SPRING1: variants seen among roughly 807,000 people sequenced by gnomAD.
SPRING1 encodes SREBP regulating gene protein.
A neutral mutation model predicts 24.7 loss-of-function variants in SPRING1; 14 were observed. The ratio of observed to expected loss-of-function variants is 0.57; its 90% CI spans 0.37 to 0.88. The LOEUF (loss-of-function observed/expected upper bound fraction) is 0.88, where lower values mean the gene tolerates loss of function less well. Ranked by LOEUF, SPRING1 falls within the 40% of genes least tolerant of loss-of-function variation. The pLI is 0.00. For missense variants in SPRING1, 255 were observed against 268.4 expected, an observed-to-expected ratio of 0.95 and a Z score of 0.35; for synonymous variants, 93 against 106.1, an observed-to-expected ratio of 0.88 and a Z score of 0.76.
chr12:116,723,608 A>G (rs996453133), intron 1 of SPRING1, among the ~76,000 whole-genome samples: 1 of 152,238 alleles, frequency 6.6e-6, no homozygotes, highest in African/African-American at 2.4e-5. Flanking sequence ...ACAGAACTTA[A>G]AATGTGAATA....
chr12:116,731,324 A>C (rs1870966081), intron 1 of SPRING1, among the ~76,000 whole-genome samples: 1 of 152,222 alleles, frequency 6.6e-6, no homozygotes. Flanking sequence ...CAACAAGGTG[A>C]AAAAAGCAAA....
Position 116,725,637 on chromosome 12 carries a change from A to G in SPRING1, c.112-2414T>C, listed in dbSNP as rs544362948. ...GCCATGGCTCACACCTGTAATCCCA[A>G]CACTTTGGGAGGCCAAGGCGGGCGG... On this transcript the variant is annotated intron_variant, in intron 1 of 4. Coordinates refer to ENST00000261318, the MANE Select transcript of SPRING1 (RefSeq NM_024738.4). Among the ~76,000 whole-genome samples the G allele has an allele frequency of 6.6e-5, 10 of 152,288 alleles. No homozygotes were observed. In the South Asian group the frequency reaches 2.1e-3, roughly 32 times the overall value.
rs139046870 is a variant in SPRING1, at chr12:116,732,116, T to C, written c.111+5674A>G. Among the ~76,000 whole-genome samples the C allele has an allele frequency of 9.6e-3, 1,461 of 152,192 alleles. 12 individuals are homozygous for C. The highest frequency in any genetic ancestry group is 0.017 in the Middle Eastern group (5 of 294). ...AAGGACATAATGAGTCACTGAGTGG[T>C]CCAGTGGAGGGCAGATCCCAAGATC... On this transcript the variant is annotated intron_variant, in intron 1 of 4. Coordinates refer to ENST00000261318, the MANE Select transcript of SPRING1 (RefSeq NM_024738.4).
intron 1 of SPRING1, among the ~76,000 whole-genome samples, chr12:116,732,683 G>A (rs1871035990): frequency 6.6e-6 from 1 of 152,158 alleles, no homozygotes; most frequent in African/African-American, 2.4e-5. Flanking sequence ...CTCCAGCCTG[G>A]GTGACAGAGT....
chr12:116,737,946 AGGCCCGGGTCCCGGGCGGCAT>A lies in SPRING1; in HGVS notation c.-67_-47del. 1.5e-6 allele frequency: 2 copies of A among 1,358,564 alleles called. No individual in the cohort carries two copies. Among genetic ancestry groups the A allele is most frequent in the Non-Finnish European group, 1.9e-6 (2 of 1,054,064 alleles). 84.2% of individuals were successfully genotyped at this position (1,358,564 alleles called of 1,614,324 possible). ...CGGCGGCCGGGGCGCGGAACGCGGC[AGGCCCGGGTCCCGGGCGGCAT>A]GGCCCCTACGCGCCCGGCAGCCCCA... On this transcript the variant is annotated 5_prime_UTR_variant, in exon 1 of 5. The change abolishes an upstream ATG in the 5' untranslated region. Coordinates refer to ENST00000261318, the MANE Select transcript of SPRING1 (RefSeq NM_024738.4).
At chr12:116,735,119 G>C (rs1166557493) in intron 1 of SPRING1, among the ~76,000 whole-genome samples, 1 of 152,152 alleles carries the variant, frequency 6.6e-6, no homozygotes, top group Non-Finnish European at 1.5e-5. Flanking sequence ...TGGATATAGG[G>C]AGTGAGAGGA....
intron 3 of SPRING1, 34 bp from the exon 4 acceptor site, chr12:116,719,910 T>G (rs1043673227): frequency 6.4e-7 from 1 of 1,566,908 alleles, no homozygotes; most frequent in South Asian, 1.1e-5. Context: ...TGTAATAAAT[T>G]ACCTAAGCCA....
rs1179199944 is a variant in SPRING1 at position 116,717,566 on chromosome 12, T to G, written c.*244A>C. On this transcript the variant is annotated 3_prime_UTR_variant, in exon 5 of 5. Coordinates refer to ENST00000261318, the MANE Select transcript of SPRING1 (RefSeq NM_024738.4). This position sits in a 1 kb window ranked among gnomAD's most constrained non-coding sequence, Gnocchi z 4.2. ...CACCACCGTGAGCCCGGCCTCCGGT[T>G]TCATCTTTCCCGAATGGGACTGGCT... 7.7e-6 allele frequency: 3 copies of G among 389,118 alleles called. No homozygotes were observed. The highest frequency in any genetic ancestry group is 1.4e-5 in the Non-Finnish European group (3 of 215,334). 24.1% of individuals were successfully genotyped at this position (389,118 alleles called of 1,614,324 possible).
In SPRING1 at chr12:116,720,923, G is replaced by A. The variant is rs1423631335; in HGVS notation, c.269-476C>T. On this transcript the variant is annotated intron_variant, in intron 2 of 4. Transcript: ENST00000261318. The surrounding 1 kb of genome is among the most constrained non-coding windows in gnomAD (Gnocchi z 4.0). ...CTTTACAAATATCTTTCAGATGCTCGCTGCATACTGACTAATTTGGAGATT... is the reference window on the plus strand; with the variant it reads ...CTTTACAAATATCTTTCAGATGCTCACTGCATACTGACTAATTTGGAGATT... 6.6e-6 allele frequency among the ~76,000 whole-genome samples: 1 copy of A among 152,114 alleles called. No homozygotes were observed. The highest frequency in any genetic ancestry group is 2.4e-5 in the African/African-American group (1 of 41,422).
chr12:116,717,327 C>A lies in SPRING1; in HGVS notation c.*483G>T, dbSNP rs1219466716. Reference sequence around the variant, plus strand: ...CCTGAAACTCGAGAACACAGAACAACAACAAAAATAATTTCCTTGAACATA... The same window carrying A: ...CCTGAAACTCGAGAACACAGAACAAAAACAAAAATAATTTCCTTGAACATA... On this transcript the variant is annotated 3_prime_UTR_variant, in exon 5 of 5. Coordinates refer to ENST00000261318, the MANE Select transcript of SPRING1 (RefSeq NM_024738.4). The surrounding 1 kb of genome is among the most constrained non-coding windows in gnomAD (Gnocchi z 4.2). 6.6e-6 allele frequency: 1 copy of A among 152,470 alleles called. No homozygotes were observed. The highest frequency in any genetic ancestry group is 1.5e-5 in the Non-Finnish European group (1 of 68,254). The allele number at this position is 152,470 out of a possible 1,614,324, so 9.4% of individuals were successfully genotyped here.
chr12:116,732,723 A>G (rs564450288), intron 1 of SPRING1, among the ~76,000 whole-genome samples: 2 of 152,318 alleles, frequency 1.3e-5, no homozygotes, highest in African/African-American at 4.8e-5. Context: ...CAAACAAAAC[A>G]AAACAAGAAA....
intron 1 of SPRING1, among the ~76,000 whole-genome samples, chr12:116,735,466 T>A (rs1479175026): frequency 1.3e-5 from 2 of 152,200 alleles, no homozygotes; most frequent in East Asian, 3.8e-4. Context: ...GCGTGGTGGC[T>A]GACACCTGTA....
chr12:116,736,228 T>A (rs750698537), intron 1 of SPRING1, among the ~76,000 whole-genome samples: 1 of 152,066 alleles, frequency 6.6e-6, no homozygotes, highest in African/African-American at 2.4e-5. Context: ...AGAGATCACC[T>A]GAGTATTTAA....
chr12:116,737,536 AAGGTGAGG>A (rs1871308541), intron 1 of SPRING1, among the ~76,000 whole-genome samples: 1 of 8,166 alleles, frequency 1.2e-4, no homozygotes, highest in African/African-American at 3.2e-4. Flanking sequence ...AAGGAGGAGG[AAGGTGAGG>A]AAGGTAAGGA....
At chr12:116,737,684 G>A in intron 1 of SPRING1, 106 bp downstream of exon 1, 3 of 1,273,932 alleles carry the variant, frequency 2.4e-6, no homozygotes, top group East Asian at 3.2e-5. Flanking sequence ...AAGACAGGGA[G>A]GAAGGAAAAA....
At chr12:116,722,916 G>C (rs1870499166) in intron 2 of SPRING1, 151 bp downstream of exon 2, 2 of 936,410 alleles carry the variant, frequency 2.1e-6, no homozygotes, top group Non-Finnish European at 3.1e-6. Flanking sequence ...ATGATGAGTA[G>C]GGTATAGAAG....
At chr12:116,725,696 T>C (rs865847675) in intron 1 of SPRING1, among the ~76,000 whole-genome samples, 3 of 152,032 alleles carry the variant, frequency 2.0e-5, no homozygotes, top group South Asian at 4.2e-4. Context: ...CCATCCTGGC[T>C]AACACAGTGA....
chr12:116,717,648 GAAGCCA>G lies in SPRING1; in HGVS notation c.*156_*161del, dbSNP rs1870205596. On this transcript the variant is annotated 3_prime_UTR_variant, in exon 5 of 5. Coordinates refer to ENST00000261318, the MANE Select transcript of SPRING1 (RefSeq NM_024738.4). The surrounding 1 kb of genome is among the most constrained non-coding windows in gnomAD (Gnocchi z 4.2). ...CATCTGGTAAGCCCGGGTGGTGAGCGAAGCCAAAGATGACAACACGAGAAGGGGTCA... is the reference window on the plus strand; with the variant it reads ...CATCTGGTAAGCCCGGGTGGTGAGCGAAGATGACAACACGAGAAGGGGTCA... The G allele has an allele frequency of 2.3e-5, 14 of 600,146 alleles. No individual in the cohort carries two copies. In the Admixed American group the frequency reaches 3.8e-4, roughly 16 times the overall value. The allele number at this position is 600,146 out of a possible 1,614,324, so 37.2% of individuals were successfully genotyped here.
chr12:116,726,586 G>A (rs942685978), intron 1 of SPRING1, among the ~76,000 whole-genome samples: 14 of 152,072 alleles, frequency 9.2e-5, no homozygotes, highest in African/African-American at 3.4e-4. Flanking sequence ...AGGAGCCCTG[G>A]GAGTATGGGA....
Sources: gnomAD v4.1 joint callset for allele counts (sites outside exome capture counted in the v4.1 genomes callset) on GRCh38, gnomAD v4.1.1 for gene constraint, Gnocchi (gnomAD v3.1) non-coding constraint, MANE v1.5 for transcripts, NCBI Gene and HGNC (gene_info 2026-07-23, HGNC 2026-07-21) for gene names.